The following MRTFA variants were observed in gnomAD, a reference collection of about 807,000 sequenced individuals.
MRTFA encodes myocardin related transcription factor A.
Under a neutral mutation model 83.5 loss-of-function variants are expected in MRTFA, and 20 were observed. The ratio of observed to expected loss-of-function variants is 0.24; its 90% CI spans 0.17 to 0.35. The LOEUF (loss-of-function observed/expected upper bound fraction) is 0.35. Ranked by LOEUF, MRTFA falls within the 10% of genes least tolerant of loss-of-function variation. The pLI is 1.00. For synonymous variants in MRTFA, 659 were observed against 541.2 expected (o/e 1.22, Z -3.02); for missense variants, 1,200 against 1,224.7 (o/e 0.98, Z 0.30).
intron 3 of MRTFA, among the ~76,000 whole-genome samples, chr22:40,534,951 T>C (rs1218785962): frequency 6.6e-6 from 1 of 152,302 alleles, no homozygotes; most frequent in East Asian, 1.9e-4. Flanking sequence ...GGCAATATTT[T>C]GTTATTAGTA....
At chr22:40,417,237 G>A (rs1018763823) in intron 13 of MRTFA, 104 bp downstream of exon 13, 1 of 1,493,488 alleles carries the variant, frequency 6.7e-7, no homozygotes, top group East Asian at 2.4e-5. Flanking sequence ...CCCTGAAGCT[G>A]GGCTTCGCCT....
chr22:40,567,633 A>G (rs1959199278), intron 2 of MRTFA, among the ~76,000 whole-genome samples: 1 of 152,238 alleles, frequency 6.6e-6, no homozygotes, highest in African/African-American at 2.4e-5. Flanking sequence ...AAGAAAATCT[A>G]CCACACAGAA....
In MRTFA at chr22:40,419,224, T is replaced by C; in HGVS notation, c.1514A>G (p.Glu505Gly). 1 of 1,605,218 alleles carries C rather than the reference T, an allele frequency of 6.2e-7. No individual in the cohort carries two copies. Among genetic ancestry groups the C allele is most frequent in the Non-Finnish European group, 8.5e-7 (1 of 1,176,024 alleles). Residue 505 changes from glutamate to glycine, a missense_variant, in exon 12 of 15, where the codon GAG becomes GGG. By Grantham distance (98) the Glu-to-Gly change is moderately conservative (BLOSUM62 -2). Around this residue, in one of 2 missense-constraint regions of MRTFA, gnomAD observed 1,107 missense variants for 1,041.8 expected, o/e 1.06. Coordinates refer to ENST00000355630, the MANE Select transcript of MRTFA (RefSeq NM_020831.6). ...GGCCGCTGGGAAGGCTACCACCACCTCGCCAGCCTTGTGCAGGATAGAGGT... is the reference window on the plus strand; with the variant it reads ...GGCCGCTGGGAAGGCTACCACCACCCCGCCAGCCTTGTGCAGGATAGAGGT...
chr22:40,447,641 G>A (rs2053406732), intron 4 of MRTFA, among the ~76,000 whole-genome samples: 1 of 152,164 alleles, frequency 6.6e-6, no homozygotes, highest in Non-Finnish European at 1.5e-5. Context: ...TGACAAAAAG[G>A]CTTCTGAGGT....
At chr22:40,508,516 A>C (rs78587389) in intron 3 of MRTFA, among the ~76,000 whole-genome samples, 25 of 140,508 alleles carry the variant, frequency 1.8e-4, no homozygotes, top group Non-Finnish European at 2.9e-4. Flanking sequence ...CGTCTCTCAA[A>C]AAAAAAAAAA....
chr22:40,606,692 A>G (rs2056322272), intron 1 of MRTFA, among the ~76,000 whole-genome samples: 1 of 152,250 alleles, frequency 6.6e-6, no homozygotes, highest in Admixed American at 6.5e-5. Flanking sequence ...ATCACCAATT[A>G]TAATTCTTTT....
chr22:40,460,653 G>A (rs1358638232), intron 4 of MRTFA, among the ~76,000 whole-genome samples: 2 of 152,174 alleles, frequency 1.3e-5, no homozygotes, highest in Non-Finnish European at 2.9e-5. Context: ...GAGAAACTGG[G>A]TAGCTATCTT....
At chr22:40,609,450 C>T (rs1324644635) in intron 1 of MRTFA, among the ~76,000 whole-genome samples, 2 of 140,328 alleles carry the variant, frequency 1.4e-5, no homozygotes, top group Non-Finnish European at 3.0e-5. Flanking sequence ...CACTGCCAGC[C>T]TGGGCAACAG....
chr22:40,629,937 A>C (rs1426215642), intron 1 of MRTFA, among the ~76,000 whole-genome samples: 1 of 151,960 alleles, frequency 6.6e-6, no homozygotes, highest in Non-Finnish European at 1.5e-5. Context: ...TTAGAGGTGG[A>C]ACTAGGGCCC....
In MRTFA at chr22:40,613,371, T is replaced by C. The variant is rs1032576360; in HGVS notation, c.-83-18636A>G. ...AACAAACACCTAAGAGTAGTATTGC[T>C]AAATTGAATAAGTATATATCTAACC... is the stretch of plus-strand genomic sequence containing the variant. On this transcript the variant is annotated intron_variant, in intron 1 of 14. Transcript: ENST00000355630. 2.6e-5 allele frequency among the ~76,000 whole-genome samples: 4 copies of C among 152,202 alleles called. No individual in the cohort carries two copies. In the South Asian group the frequency reaches 8.3e-4, roughly 32 times the overall value.
rs760380149 is a variant in MRTFA at position 40,411,839 on chromosome 22, A to G, written c.2647T>C (p.Cys883Arg). 2 of 1,508,672 alleles carry G rather than the reference A, an allele frequency of 1.3e-6. No homozygotes were observed. The highest frequency in any genetic ancestry group is 2.7e-5 in the South Asian group (2 of 74,370). The allele number at this position is 1,508,672 out of a possible 1,614,324, so 93.5% of individuals were successfully genotyped here. ...GGCTGTGCTGCCAGGGGGGACCCAC[A>G]GACTGTCTTCGGGGATGGCTTCTCC... The change falls in exon 15 of 15, where the codon TGT becomes CGT. Residue 883 changes from cysteine to arginine, a missense_variant. Physicochemically the swap from Cys to Arg is radical, Grantham distance 180. This residue lies in a region of MRTFA where 1,107 missense variants were observed against 1,041.8 expected (regional missense o/e 1.06). Transcript: ENST00000355630.
At chr22:40,538,983 G>C (rs2055237668) in intron 3 of MRTFA, among the ~76,000 whole-genome samples, 1 of 135,598 alleles carries the variant, frequency 7.4e-6, no homozygotes. Flanking sequence ...AGGATACACA[G>C]CCTTTTGTTT....
intron 4 of MRTFA, among the ~76,000 whole-genome samples, chr22:40,458,411 T>C (rs1235507007): frequency 6.6e-6 from 1 of 152,190 alleles, no homozygotes; most frequent in African/African-American, 2.4e-5. Context: ...TATATAGGAA[T>C]TAGGGGATTC....
At chr22:40,522,516 G>GT (rs1481254096) in intron 3 of MRTFA, 1 of 152,282 alleles carries the variant, frequency 6.6e-6, no homozygotes. Flanking sequence ...ACTCATAATT[G>GT]TGCAGGATGG....
intron 3 of MRTFA, among the ~76,000 whole-genome samples, chr22:40,466,431 G>A (rs2053813122): frequency 6.6e-6 from 1 of 152,258 alleles, no homozygotes; most frequent in East Asian, 1.9e-4. Context: ...AAAGGTACTG[G>A]AACTAGGATT....
intron 3 of MRTFA, among the ~76,000 whole-genome samples, chr22:40,491,870 A>C (rs2054277332): frequency 6.6e-6 from 1 of 152,228 alleles, no homozygotes; most frequent in Non-Finnish European, 1.5e-5. Flanking sequence ...TGGGAGAATA[A>C]ACCACCCAAA....
At chr22:40,618,080 GT>G (rs66504883) in intron 1 of MRTFA, among the ~76,000 whole-genome samples, 24 of 141,614 alleles carry the variant, frequency 1.7e-4, no homozygotes, top group Non-Finnish European at 1.4e-4. Context: ...GTTGTTTTTT[GT>G]TTTTTTTTTT....
chr22:40,533,762 A>G, intron 3 of MRTFA: 1 of 468,502 alleles, frequency 2.1e-6, no homozygotes, highest in Non-Finnish European at 3.4e-6. Flanking sequence ...GACTGTGAGA[A>G]TATCCCCTTC....
chr22:40,494,574 A>G (rs1299133069), intron 3 of MRTFA, among the ~76,000 whole-genome samples: 2 of 152,014 alleles, frequency 1.3e-5, no homozygotes, highest in Middle Eastern at 3.4e-3. Flanking sequence ...CCAGCTACTC[A>G]GGAGGCTAAG....
Sources: gnomAD v4.1 joint callset for allele counts (sites outside exome capture counted in the v4.1 genomes callset) on GRCh38, gnomAD v4.1.1 for gene constraint, gnomAD v4.1.1 regional missense constraint, MANE v1.5 for transcripts, NCBI Gene and HGNC (gene_info 2026-07-23, HGNC 2026-07-21) for gene names.